The following CSNK2A2 variants were observed in gnomAD, a reference collection of about 807,000 sequenced individuals.
CSNK2A2 encodes casein kinase 2 alpha 2, also known as casein kinase II subunit alpha'.
CSNK2A2 carries 8 observed loss-of-function variants against 54.0 expected under a neutral mutation model. The observed-to-expected ratio is 0.15, with a 90% CI of 0.09 to 0.27. The LOEUF is 0.27. Among genes scored for constraint, CSNK2A2 ranks in the 10% least tolerant of loss-of-function variants. The pLI, the probability that CSNK2A2 is intolerant of heterozygous loss-of-function variation, is 1.00. For synonymous variants in CSNK2A2, 141 were observed against 153.9 expected (o/e 0.92, Z 0.62); for missense variants, 242 against 439.4 (o/e 0.55, Z 4.02).
chr16:58,190,045 T>C (rs1176829637), intron 2 of CSNK2A2, among the ~76,000 whole-genome samples: 1 of 152,312 alleles, frequency 6.6e-6, no homozygotes. Context: ...CCAGAGCCTG[T>C]AGCCATTCAC....
intron 5 of CSNK2A2, 63 bp downstream of exon 5, chr16:58,174,388 T>G: frequency 4.2e-6 from 5 of 1,203,512 alleles, no homozygotes; most frequent in Non-Finnish European, 5.9e-6. Flanking sequence ...CTTTGTTCTC[T>G]CAAAAACTTA....
chr16:58,182,076 A>C (rs1294267803), intron 4 of CSNK2A2, among the ~76,000 whole-genome samples: 1 of 152,172 alleles, frequency 6.6e-6, no homozygotes, highest in Non-Finnish European at 1.5e-5. Context: ...GCTTCAAAAA[A>C]ACATTAATTT....
intron 5 of CSNK2A2, among the ~76,000 whole-genome samples, chr16:58,170,897 T>G (rs1026155064): frequency 3.3e-5 from 5 of 152,128 alleles, no homozygotes; most frequent in Admixed American, 6.5e-5. Context: ...CTTCATAAAC[T>G]TCAAATTCAG....
chr16:58,164,116 A>G lies in CSNK2A2; in HGVS notation c.1008T>C (p.Cys336=). The G allele has an allele frequency of 6.2e-7, 1 of 1,614,034 alleles. No individual in the cohort carries two copies. Residue 336 remains cysteine, a synonymous_variant, in exon 11 of 12, where the codon TGT becomes TGC. Coordinates refer to ENST00000262506, the MANE Select transcript of CSNK2A2 (RefSeq NM_001896.4). ...CACTGGAAAGCACAGCATTGTCTGCACAAGGCTGGGACTGCTCCTTCACCA... is the reference window on the plus strand; with the variant it reads ...CACTGGAAAGCACAGCATTGTCTGCGCAAGGCTGGGACTGCTCCTTCACCA... ...YPVVKEQSQP[C]ADNAVLSSGL...
chr16:58,159,310 C>G (rs1961253843), intron 11 of CSNK2A2, among the ~76,000 whole-genome samples: 1 of 152,172 alleles, frequency 6.6e-6, no homozygotes, highest in South Asian at 2.1e-4. Context: ...ATGCAGAGCA[C>G]CAGGCCACAA....
At chr16:58,166,958 T>G (rs1961580570) in intron 8 of CSNK2A2, among the ~76,000 whole-genome samples, 1 of 152,178 alleles carries the variant, frequency 6.6e-6, no homozygotes, top group Non-Finnish European at 1.5e-5. Flanking sequence ...AAAATCTAGT[T>G]TTATTAGACA....
chr16:58,188,869 G>T (rs929174639), intron 2 of CSNK2A2, among the ~76,000 whole-genome samples: 3 of 151,954 alleles, frequency 2.0e-5, no homozygotes, highest in Non-Finnish European at 4.4e-5. Context: ...CATTTGAGGA[G>T]TCTGGGTGAA....
Position 58,166,676 on chromosome 16 carries a change from G to A in CSNK2A2, c.735C>T (p.Arg245=). 2 of 1,612,936 alleles carry A rather than the reference G, an allele frequency of 1.2e-6. No homozygotes were observed. The highest frequency in any genetic ancestry group is 1.7e-6 in the Non-Finnish European group (2 of 1,179,216). Residue 245 remains arginine, a synonymous_variant, in exon 9 of 12, where the codon CGC becomes CGT. Transcript: ENST00000262506. The part of the protein sequence containing the change: ...HGQDNYDQLV[R]IAKVLGTEEL... ...CTTCTGTACCCAGAACCTTGGCAAT[G>A]CGAACAAGCTGAAACACAAAACAAA... is the stretch of plus-strand genomic sequence containing the variant.
chr16:58,195,121 CTT>C (rs1415329232), intron 2 of CSNK2A2, among the ~76,000 whole-genome samples: 3 of 151,482 alleles, frequency 2.0e-5, no homozygotes, highest in Non-Finnish European at 4.4e-5. Context: ...TTATTGAAAA[CTT>C]ATGCTTATGT....
intron 2 of CSNK2A2, among the ~76,000 whole-genome samples, chr16:58,192,458 A>AC (rs1422622111): frequency 3.5e-4 from 54 of 152,166 alleles, no homozygotes; most frequent in African/African-American, 1.2e-3. Flanking sequence ...AAAAAAAAAA[A>AC]AAACCATAAA....
intron 11 of CSNK2A2, chr16:58,160,080 T>C (rs943307151): frequency 6.6e-6 from 1 of 152,236 alleles, no homozygotes; most frequent in Non-Finnish European, 1.5e-5. Context: ...TACATCCACA[T>C]AGCTCAGAAG....
chr16:58,167,150 T>C lies in CSNK2A2; in HGVS notation c.726+57A>G, dbSNP rs562101139. ...CAAGGATAGTATTCTTATCTAAGGATGCTATTTTTTTGGCATTCACCCCCA... is the reference window on the plus strand; with the variant it reads ...CAAGGATAGTATTCTTATCTAAGGACGCTATTTTTTTGGCATTCACCCCCA... On this transcript the variant is annotated intron_variant, in intron 8 of 11. Transcript: ENST00000262506. 1,624 of 1,153,938 alleles carry C rather than the reference T, an allele frequency of 1.4e-3. 2 individuals are homozygous for C. The highest frequency in any genetic ancestry group is 1.9e-3 in the Non-Finnish European group (1,467 of 781,812). The allele number at this position is 1,153,938 out of a possible 1,614,324, so 71.5% of individuals were successfully genotyped here.
intron 5 of CSNK2A2, among the ~76,000 whole-genome samples, chr16:58,169,707 A>C (rs1327012469): frequency 3.3e-5 from 5 of 152,120 alleles, no homozygotes; most frequent in Admixed American, 3.3e-4. Flanking sequence ...TAGATGACCA[A>C]GTATTAGTAT....
chr16:58,161,576 C>CAG (rs1961373077), intron 11 of CSNK2A2: 1 of 151,980 alleles, frequency 6.6e-6, no homozygotes, highest in African/African-American at 2.4e-5. Context: ...CACACACAGA[C>CAG]ACACACACAC....
rs186788267 is a variant in CSNK2A2, at chr16:58,196,857, G to A, written c.105-13C>T. The A allele has an allele frequency of 6.5e-7, 1 of 1,532,746 alleles. No individual in the cohort carries two copies. The highest frequency in any genetic ancestry group is 2.2e-5 in the East Asian group (1 of 44,504). 94.9% of individuals were successfully genotyped at this position (1,532,746 alleles called of 1,614,324 possible). A position where few individuals can be genotyped will look rare whatever the true frequency, so the allele number is the denominator to read the frequency against. On this transcript the variant is annotated splice_polypyrimidine_tract_variant and intron_variant, in intron 1 of 11. Transcript: ENST00000262506. ...ATCATCTTGATTACTGTAAAAGGAA[G>A]ACACACACATAAATGCCAGGACTGG...
chr16:58,164,122 C>G lies in CSNK2A2; in HGVS notation c.1002G>C (p.Gln334His). The G allele has an allele frequency of 6.2e-7, 1 of 1,613,974 alleles. No individual in the cohort carries two copies. Among genetic ancestry groups the G allele is most frequent in the Non-Finnish European group, 8.5e-7 (1 of 1,179,936 alleles). The change falls in exon 11 of 12, where the codon CAG becomes CAC. Residue 334 changes from glutamine (Q) to histidine (H), a missense_variant. Physicochemically the swap from Gln to His is conservative, Grantham distance 24. Transcript: ENST00000262506. Reference protein sequence around the residue: ...YFYPVVKEQSQPCADNAVLSS... With the variant: ...YFYPVVKEQSHPCADNAVLSS... ...AAAGCACAGCATTGTCTGCACAAGGCTGGGACTGCTCCTTCACCACAGGGT... is the reference window on the plus strand; with the variant it reads ...AAAGCACAGCATTGTCTGCACAAGGGTGGGACTGCTCCTTCACCACAGGGT...
chr16:58,170,637 C>A lies in CSNK2A2; in HGVS notation c.430-1944G>T, dbSNP rs182664612. On this transcript the variant is annotated intron_variant, in intron 5 of 11. Coordinates refer to ENST00000262506, the MANE Select transcript of CSNK2A2 (RefSeq NM_001896.4). ...AAGTTTCTCCACATTCTCATCAACA[C>A]CTGTCATTGTTCAACTTTTTGATTA... is the stretch of plus-strand genomic sequence containing the variant. Among the ~76,000 whole-genome samples the A allele has an allele frequency of 7.6e-4, 116 of 152,208 alleles. 1 individual carries two copies. The highest frequency in any genetic ancestry group is 8.8e-4 in the Non-Finnish European group (60 of 67,996).
At chr16:58,159,555 G>A (rs773102872) in intron 11 of CSNK2A2, 1 of 152,218 alleles carries the variant, frequency 6.6e-6, no homozygotes, top group Non-Finnish European at 1.5e-5. Flanking sequence ...CATAGCAATG[G>A]TTTGTCTCCC....
chr16:58,168,113 T>C (rs1356881793), intron 6 of CSNK2A2, among the ~76,000 whole-genome samples: 1 of 152,158 alleles, frequency 6.6e-6, no homozygotes, highest in African/African-American at 2.4e-5. Context: ...CCATCATTCA[T>C]AGCTTTTCGT....
Sources: allele counts gnomAD v4.1 joint callset (sites outside exome capture counted in the v4.1 genomes callset), GRCh38; gene constraint gnomAD v4.1.1; transcripts MANE v1.5; gene names NCBI Gene and HGNC (gene_info 2026-07-23, HGNC 2026-07-21).